The following SENP6 variants were observed in gnomAD, a reference collection of about 807,000 sequenced individuals.
SENP6 encodes sentrin-specific protease 6.
A neutral mutation model predicts 134.5 loss-of-function variants in SENP6; 41 were observed. That is an observed-to-expected ratio of 0.30 (90% CI 0.24 to 0.40). The LOEUF (loss-of-function observed/expected upper bound fraction) is 0.40. SENP6 is among the 10% of genes least tolerant of loss of function. The pLI, the probability that SENP6 is intolerant of heterozygous loss-of-function variation, is 1.00. For missense variants in SENP6, 1,248 were observed against 1,312.5 expected, an observed-to-expected ratio of 0.95 and a Z score of 0.76; for synonymous variants, 395 against 429.8, an observed-to-expected ratio of 0.92 and a Z score of 1.00.
chr6:75,677,494 T>C (rs1055554525), intron 14 of SENP6: 9 of 334,026 alleles, frequency 2.7e-5, no homozygotes, highest in Middle Eastern at 8.9e-4. Flanking sequence ...TCTATCCTTA[T>C]CTTTACTTTT....
intron 2 of SENP6, among the ~76,000 whole-genome samples, chr6:75,623,111 A>G (rs1768398982): frequency 6.6e-6 from 1 of 152,186 alleles, no homozygotes; most frequent in Non-Finnish European, 1.5e-5. Context: ...AACATTTTAC[A>G]TTTTTGTGTA....
At chr6:75,619,013 T>G (rs2149826823) in intron 1 of SENP6, among the ~76,000 whole-genome samples, 1 of 119,622 alleles carries the variant, frequency 8.4e-6, no homozygotes, top group South Asian at 3.3e-4. Flanking sequence ...TTAGTCACTT[T>G]CAGGCTTTTT....
intron 16 of SENP6, 109 bp from the exon 17 acceptor site, chr6:75,695,695 C>G: frequency 1.2e-6 from 1 of 801,878 alleles, no homozygotes; most frequent in South Asian, 2.1e-5. Context: ...TGAGATCGCT[C>G]CACTGCACTC....
At chr6:75,643,909 A>T (rs1048017724) in intron 6 of SENP6, among the ~76,000 whole-genome samples, 6 of 152,222 alleles carry the variant, frequency 3.9e-5, no homozygotes, top group Non-Finnish European at 8.8e-5. Context: ...AAGAGCTATC[A>T]TTAAAGCAAG....
chr6:75,603,086 C>T (rs12199457), intron 1 of SENP6, among the ~76,000 whole-genome samples: 47,429 of 151,950 alleles, frequency 0.31, 8,708 homozygotes, highest in Admixed American at 0.48. Flanking sequence ...TAGGCCTGGC[C>T]TTGTCTGATA....
At position 75,715,644 on chromosome 6, in the gene SENP6, A is replaced by G. The variant is rs755100397; in HGVS notation, c.*50A>G. The G allele has an allele frequency of 1.4e-6, 2 of 1,447,248 alleles. No homozygotes were observed. Among genetic ancestry groups the G allele is most frequent in the East Asian group, 4.5e-5 (2 of 43,998 alleles). 89.7% of individuals were successfully genotyped at this position (1,447,248 alleles called of 1,614,324 possible). A position where few individuals can be genotyped will look rare whatever the true frequency, so the allele number is the denominator to read the frequency against. Reference sequence around the variant, plus strand: ...ACTTTCAGAAACTAAATGACTTTCAAATTTGGGTATAGACAATAAAGAACT... The same window carrying G: ...ACTTTCAGAAACTAAATGACTTTCAGATTTGGGTATAGACAATAAAGAACT... On this transcript the variant is annotated 3_prime_UTR_variant, in exon 24 of 24. Transcript: ENST00000447266.
At chr6:75,615,180 C>G (rs1441142785) in intron 1 of SENP6, among the ~76,000 whole-genome samples, 1 of 151,008 alleles carries the variant, frequency 6.6e-6, no homozygotes, top group Non-Finnish European at 1.5e-5. Context: ...GCCTATCCTG[C>G]TAAGAGGTTT....
chr6:75,654,950 T>G (rs1353645282), intron 7 of SENP6: 1 of 152,266 alleles, frequency 6.6e-6, no homozygotes, highest in Non-Finnish European at 1.5e-5. Context: ...TTAATTCATC[T>G]TATTTTTTGA....
chr6:75,667,324 A>T (rs1285242756), intron 10 of SENP6, among the ~76,000 whole-genome samples: 1 of 152,182 alleles, frequency 6.6e-6, no homozygotes, highest in African/African-American at 2.4e-5. Context: ...CACATGGAAA[A>T]AGGTAATATG....
In SENP6 at chr6:75,602,277, C is replaced by G; in HGVS notation, c.-248C>G. The stretch of plus-strand genomic sequence containing the variant: ...CGTCGTCGTCGTCGCCGGTCGCGTT[C>G]CCCCGGAGAGGCCTGAGAAGCTCGG... On this transcript the variant is annotated 5_prime_UTR_variant, in exon 1 of 24. Transcript: ENST00000447266. 1 of 388,130 alleles carries G rather than the reference C, an allele frequency of 2.6e-6. No individual in the cohort carries two copies. Among genetic ancestry groups the G allele is most frequent in the Non-Finnish European group, 4.6e-6 (1 of 219,230 alleles). 24.0% of individuals were successfully genotyped at this position (388,130 alleles called of 1,614,324 possible).
intron 4 of SENP6, 123 bp from the exon 5 acceptor site, chr6:75,634,584 T>C: frequency 3.7e-6 from 2 of 544,154 alleles, no homozygotes; most frequent in African/African-American, 2.0e-5. Context: ...GGTTTATCCA[T>C]AAATTTTTTG....
intron 7 of SENP6, among the ~76,000 whole-genome samples, chr6:75,653,279 C>G (rs1771055922): frequency 6.6e-6 from 1 of 152,214 alleles, no homozygotes; most frequent in African/African-American, 2.4e-5. Context: ...GATCCCCCCG[C>G]CTCGGCCTCC....
rs1483890991 is a variant in SENP6 at position 75,639,787 on chromosome 6, T to C, written c.459-897T>C. Among the ~76,000 whole-genome samples, 6 of 152,284 alleles carry C rather than the reference T, an allele frequency of 3.9e-5. No homozygotes were observed. The East Asian group carries it at 9.6e-4, about 24-fold the overall frequency. The stretch of plus-strand genomic sequence containing the variant: ...TCCTTGTGTCCCAAATCATATACCA[T>C]ATTTAATCTAAGACTTTTGTGCAAA... On this transcript the variant is annotated intron_variant, in intron 5 of 23. Transcript: ENST00000447266.
intron 1 of SENP6, among the ~76,000 whole-genome samples, chr6:75,616,745 CAAA>C (rs1227499332): frequency 5.1e-5 from 3 of 58,992 alleles, no homozygotes; most frequent in Admixed American, 1.9e-4. Flanking sequence ...GACTCCATCT[CAAA>C]AAAAAAAAAA....
chr6:75,664,402 G>GTA (rs1049556376), intron 9 of SENP6, among the ~76,000 whole-genome samples: 57 of 151,690 alleles, frequency 3.8e-4, no homozygotes, highest in Admixed American at 1.2e-3. Flanking sequence ...ACGTCTGTAT[G>GTA]TATATATATA....
intron 11 of SENP6, among the ~76,000 whole-genome samples, chr6:75,671,002 C>T (rs976624865): frequency 1.3e-5 from 2 of 151,806 alleles, no homozygotes; most frequent in South Asian, 4.2e-4. Flanking sequence ...TAGTATCATC[C>T]CAGCTAAGTG....
intron 10 of SENP6, among the ~76,000 whole-genome samples, chr6:75,670,050 CAGCCTCCTGAGT>C (rs542726089): frequency 2.0e-3 from 306 of 152,260 alleles, no homozygotes; most frequent in African/African-American, 6.7e-3. Context: ...TCTCCTGCCT[CAGCCTCCTGAGT>C]AGCCTCCTGA....
chr6:75,636,271 A>G (rs1290696897), intron 5 of SENP6, among the ~76,000 whole-genome samples: 7 of 152,166 alleles, frequency 4.6e-5, no homozygotes. Flanking sequence ...CTTAATGATT[A>G]GGGGCAGCAA....
chr6:75,714,087 C>T (rs1251826068), intron 23 of SENP6, among the ~76,000 whole-genome samples: 2 of 152,174 alleles, frequency 1.3e-5, no homozygotes, highest in Non-Finnish European at 2.9e-5. Flanking sequence ...GCTCTTGCCA[C>T]CTTAAGAAAT....
Sources: gnomAD v4.1 joint callset for allele counts (sites outside exome capture counted in the v4.1 genomes callset) on GRCh38, gnomAD v4.1.1 for gene constraint, MANE v1.5 for transcripts, NCBI Gene and HGNC (gene_info 2026-07-23, HGNC 2026-07-21) for gene names.